CPED1: variants seen among roughly 807,000 people sequenced by gnomAD.
CPED1 encodes the protein cadherin like and PC-esterase domain containing 1, also known as cadherin-like and PC-esterase domain-containing protein 1.
Under a neutral mutation model 128.2 loss-of-function variants are expected in CPED1, and 114 were observed. The ratio of observed to expected loss-of-function variants is 0.89; its 90% CI spans 0.76 to 1.04. CPED1 has a LOEUF of 1.04. CPED1 is among the 50% of genes least tolerant of loss of function. The pLI is 0.00. For synonymous variants in CPED1, 462 were observed against 426.7 expected (o/e 1.08, Z -1.02); for missense variants, 1,211 against 1,207.1 (o/e 1.00, Z -0.05).
At chr7:121,194,733 T>C (rs1272845562) in intron 16 of CPED1, among the ~76,000 whole-genome samples, 4 of 152,164 alleles carry the variant, frequency 2.6e-5, no homozygotes, top group Non-Finnish European at 4.4e-5. Context: ...AATGATCTGT[T>C]TTTAAAAACA....
intron 16 of CPED1, among the ~76,000 whole-genome samples, chr7:121,228,586 C>CA (rs3068082): frequency 0.04 from 5,648 of 142,802 alleles, 236 homozygotes; most frequent in African/African-American, 0.1. Flanking sequence ...GGAGATTTCT[C>CA]AAAAAAAAAA....
At chr7:121,112,321 A>G (rs1241763315) in intron 7 of CPED1, among the ~76,000 whole-genome samples, 5 of 152,202 alleles carry the variant, frequency 3.3e-5, no homozygotes, top group Non-Finnish European at 7.3e-5. Flanking sequence ...TTCCTAAATT[A>G]TCCAGATAGG....
intron 3 of CPED1, among the ~76,000 whole-genome samples, chr7:121,040,221 A>G (rs1243675621): frequency 6.6e-6 from 1 of 152,132 alleles, no homozygotes; most frequent in Non-Finnish European, 1.5e-5. Context: ...TGTATAGTTC[A>G]TTCAGGATCT....
chr7:121,044,597 T>C (rs1480730246), intron 3 of CPED1, among the ~76,000 whole-genome samples: 2 of 151,366 alleles, frequency 1.3e-5, no homozygotes, highest in East Asian at 1.9e-4. Context: ...TCCTACTTTG[T>C]TTTTAATGTT....
chr7:121,160,090 C>T (rs1796380086), intron 16 of CPED1, among the ~76,000 whole-genome samples: 1 of 134,712 alleles, frequency 7.4e-6, no homozygotes, highest in Non-Finnish European at 1.6e-5. Flanking sequence ...CACTTTACAT[C>T]CAGATTCACC....
At chr7:121,146,515 T>C (rs918055894) in intron 16 of CPED1, among the ~76,000 whole-genome samples, 1 of 152,088 alleles carries the variant, frequency 6.6e-6, no homozygotes, top group African/African-American at 2.4e-5. Context: ...AATTTCTCCT[T>C]CCCCTATTCT....
At chr7:121,256,988 A>T (rs1190029520) in intron 18 of CPED1, among the ~76,000 whole-genome samples, 1 of 151,998 alleles carries the variant, frequency 6.6e-6, no homozygotes, top group Non-Finnish European at 1.5e-5. Flanking sequence ...AAAATACTAC[A>T]TTTTCTCACT....
chr7:121,256,320 C>T (rs574172698), intron 18 of CPED1, among the ~76,000 whole-genome samples: 1 of 152,042 alleles, frequency 6.6e-6, no homozygotes, highest in African/African-American at 2.4e-5. Context: ...CCAGTGAAAG[C>T]AAGCAATGGT....
chr7:121,082,582 T>C (rs1040064417), intron 5 of CPED1, among the ~76,000 whole-genome samples: 26 of 152,218 alleles, frequency 1.7e-4, no homozygotes, highest in African/African-American at 6.3e-4. Context: ...ATTAAATTTT[T>C]AACTTATATG....
chr7:121,276,860 A>G (rs1792340767), intron 22 of CPED1, among the ~76,000 whole-genome samples: 1 of 152,152 alleles, frequency 6.6e-6, no homozygotes, highest in Non-Finnish European at 1.5e-5. Flanking sequence ...AGATCATGGT[A>G]AGAACTGGAT....
intron 16 of CPED1, among the ~76,000 whole-genome samples, chr7:121,146,577 C>T (rs1433354011): frequency 2.0e-5 from 3 of 152,076 alleles, no homozygotes; most frequent in Non-Finnish European, 2.9e-5. Flanking sequence ...AAAAGACTAG[C>T]ATGGCAGAGT....
chr7:121,023,717 T>C (rs1792499814), intron 3 of CPED1, among the ~76,000 whole-genome samples: 1 of 152,162 alleles, frequency 6.6e-6, no homozygotes, highest in Non-Finnish European at 1.5e-5. Context: ...TGCACATTTA[T>C]AGCAGATGCT....
At chr7:121,249,726 G>A (rs1313109282) in intron 18 of CPED1, among the ~76,000 whole-genome samples, 1 of 152,050 alleles carries the variant, frequency 6.6e-6, no homozygotes, top group African/African-American at 2.4e-5. Context: ...CCACAAGAAG[G>A]CCATTACATA....
At chr7:121,088,833 C>A (rs73723636) in intron 5 of CPED1, among the ~76,000 whole-genome samples, 1,953 of 134,400 alleles carry the variant, frequency 0.015, 40 homozygotes, top group African/African-American at 0.05. Context: ...TAAAGACCAG[C>A]AATTATTTAG....
chr7:121,037,198 C>A (rs1446502709), intron 3 of CPED1, among the ~76,000 whole-genome samples: 9 of 152,096 alleles, frequency 5.9e-5, no homozygotes. Flanking sequence ...GGTTTTTGGT[C>A]ATGAAGTCTT....
chr7:121,098,240 C>G (rs191538919), intron 6 of CPED1, among the ~76,000 whole-genome samples: 2 of 151,908 alleles, frequency 1.3e-5, no homozygotes, highest in Admixed American at 1.3e-4. Context: ...TGCTGTGTAT[C>G]AAGTTATCCA....
At chr7:121,209,453 C>T (rs1797596104) in intron 16 of CPED1, among the ~76,000 whole-genome samples, 1 of 151,910 alleles carries the variant, frequency 6.6e-6, no homozygotes, top group African/African-American at 2.4e-5. Context: ...CTTTATGAAA[C>T]TATAAAAATT....
chr7:120,991,810 A>T (rs545215749), intron 2 of CPED1, among the ~76,000 whole-genome samples: 3 of 152,300 alleles, frequency 2.0e-5, no homozygotes, highest in African/African-American at 7.2e-5. Flanking sequence ...TCACAGTCTT[A>T]AGTATTTTAA....
chr7:121,082,364 G>T (rs1426235628), intron 5 of CPED1, among the ~76,000 whole-genome samples: 2 of 152,106 alleles, frequency 1.3e-5, no homozygotes, highest in African/African-American at 4.8e-5. Flanking sequence ...TCAACATAAA[G>T]CTGTCACAAT....
Sources: allele counts gnomAD v4.1 joint callset (sites outside exome capture counted in the v4.1 genomes callset), GRCh38; gene constraint gnomAD v4.1.1; transcripts MANE v1.5; gene names NCBI Gene and HGNC (gene_info 2026-07-23, HGNC 2026-07-21).